Variants in MSL1 observed in about 807,000 individuals in gnomAD.
MSL1 encodes the protein male-specific lethal 1 homolog.
In MSL1, 21 loss-of-function variants were observed where a neutral mutation model predicts 64.6. The observed-to-expected ratio is 0.33, with a 90% CI of 0.23 to 0.47. The LOEUF is 0.47. Ranked by LOEUF, MSL1 falls within the 20% of genes least tolerant of loss-of-function variation. The pLI is 1.00. For synonymous variants in MSL1, 339 were observed against 329.6 expected (o/e 1.03, Z -0.31); for missense variants, 664 against 793.2 (o/e 0.84, Z 1.96).
intron 1 of MSL1, among the ~76,000 whole-genome samples, chr17:40,125,434 T>C (rs1298837659): frequency 2.6e-5 from 4 of 152,214 alleles, no homozygotes; most frequent in African/African-American, 9.7e-5. Flanking sequence ...TCCTTCTCAA[T>C]GTACTGTTTG....
At chr17:40,126,957 G>C (rs1988331582) in intron 2 of MSL1, 1 of 153,228 alleles carries the variant, frequency 6.5e-6, no homozygotes. Context: ...AAGTATGACA[G>C]CTGAGTTTCT....
rs1988507121 is a variant in MSL1 at position 40,134,681 on chromosome 17, GT to G, written c.*313del. The G allele has an allele frequency of 3.2e-6, 1 of 310,274 alleles. No individual in the cohort carries two copies. Among genetic ancestry groups the G allele is most frequent in the African/African-American group, 2.2e-5 (1 of 46,210 alleles). 19.2% of individuals were successfully genotyped at this position (310,274 alleles called of 1,614,324 possible). On this transcript the variant is annotated 3_prime_UTR_variant, in exon 9 of 9. Coordinates refer to ENST00000398532, the MANE Select transcript of MSL1 (RefSeq NM_001365919.1). Reference sequence around the variant, plus strand: ...CTATACATTTGCCTATGTTAAAGGGGTAAAAGGGCTCTCTTCATTAGACATG... The same window carrying G: ...CTATACATTTGCCTATGTTAAAGGGGAAAAGGGCTCTCTTCATTAGACATG...
intron 6 of MSL1, 196 bp downstream of exon 6, chr17:40,133,305 T>G (rs1259306179): frequency 5.4e-6 from 4 of 744,500 alleles, no homozygotes; most frequent in Non-Finnish European, 6.5e-6. Context: ...TGGCCTCTTT[T>G]TGTGTATGAC....
chr17:40,123,056 G>A lies in MSL1; in HGVS notation c.444G>A (p.Glu148=). Residue 148 remains glutamate, a synonymous_variant, in exon 1 of 9, where the codon GAG becomes GAA. Coordinates refer to ENST00000398532, the MANE Select transcript of MSL1 (RefSeq NM_001365919.1). The part of the protein sequence containing the change: ...QTGSLVAAAK[E]PTPWAGDKGG... ...GCTCTCTCGTGGCGGCGGCCAAAGA[G>A]CCTACGCCCTGGGCTGGGGACAAGG... 6.5e-7 allele frequency: 1 copy of A among 1,532,348 alleles called. No individual in the cohort carries two copies. Among genetic ancestry groups the A allele is most frequent in the Non-Finnish European group, 8.7e-7 (1 of 1,145,496 alleles). The allele number at this position is 1,532,348 out of a possible 1,614,324, so 94.9% of individuals were successfully genotyped here.
chr17:40,122,987 C>T lies in MSL1; in HGVS notation c.375C>T (p.Cys125=). Reference sequence around the variant, plus strand: ...AGCCTGCCGCAGCCGGAGCCGGCTGCAGCCCCCGGCCCAAGTATCAGGCGG... The same window carrying T: ...AGCCTGCCGCAGCCGGAGCCGGCTGTAGCCCCCGGCCCAAGTATCAGGCGG... ...GGEPAAAGAG[C]SPRPKYQAVL... is the part of the protein sequence containing the mutation. The change falls in exon 1 of 9, where the codon TGC becomes TGT. Residue 125 remains cysteine (C), a synonymous_variant. Transcript: ENST00000398532. The surrounding 1 kb of genome is among the most constrained non-coding windows in gnomAD (Gnocchi z 4.2). 6.5e-7 allele frequency: 1 copy of T among 1,528,362 alleles called. No individual in the cohort carries two copies. The highest frequency in any genetic ancestry group is 1.2e-5 in the South Asian group (1 of 83,736). 94.7% of individuals were successfully genotyped at this position (1,528,362 alleles called of 1,614,324 possible). A position where few individuals can be genotyped will look rare whatever the true frequency, so the allele number is the denominator to read the frequency against.
Position 40,129,469 on chromosome 17 carries a change from G to A in MSL1, c.1217G>A (p.Gly406Glu). The change falls in exon 3 of 9, where the codon GGA becomes GAA. Residue 406 changes from glycine (G) to glutamate (E), a missense_variant. Transcript: ENST00000398532. Reference sequence around the variant, plus strand: ...CCAAGACTCTCCACTCCCCAAAAGGGACCCAGCACCCATCCCAAGGAGAAA... The same window carrying A: ...CCAAGACTCTCCACTCCCCAAAAGGAACCCAGCACCCATCCCAAGGAGAAA... ...TPPRLSTPQK[G>E]PSTHPKEKAF... The A allele has an allele frequency of 6.2e-7, 1 of 1,613,680 alleles. No individual in the cohort carries two copies. Among genetic ancestry groups the A allele is most frequent in the East Asian group, 2.2e-5 (1 of 44,864 alleles).
rs1359083689 is a variant in MSL1, at chr17:40,131,472, C to T, written c.1376-65C>T. On this transcript the variant is annotated intron_variant, in intron 3 of 8. Coordinates refer to ENST00000398532, the MANE Select transcript of MSL1 (RefSeq NM_001365919.1). This position sits in a 1 kb window ranked among gnomAD's most constrained non-coding sequence, Gnocchi z 4.5. Reference sequence around the variant, plus strand: ...AGAACTTCAGTGATGATCCTTTCCTCCATTTGGGGTATGGGCTTTTTTTCT... The same window carrying T: ...AGAACTTCAGTGATGATCCTTTCCTTCATTTGGGGTATGGGCTTTTTTTCT... 11 of 1,440,798 alleles carry T rather than the reference C, an allele frequency of 7.6e-6. No homozygotes were observed. The highest frequency in any genetic ancestry group is 1.1e-5 in the Non-Finnish European group (11 of 1,025,002). The allele number at this position is 1,440,798 out of a possible 1,614,324, so 89.3% of individuals were successfully genotyped here.
At position 40,131,935 on chromosome 17, in the gene MSL1, T is replaced by C; in HGVS notation, c.1424-99T>C. On this transcript the variant is annotated intron_variant, in intron 4 of 8. Transcript: ENST00000398532. The surrounding 1 kb of genome is among the most constrained non-coding windows in gnomAD (Gnocchi z 4.5). ...TATCACTTGGTAACTTTGTCTCTTCTGGGGAGAGACCTCTTATCCTAGTGA... is the reference window on the plus strand; with the variant it reads ...TATCACTTGGTAACTTTGTCTCTTCCGGGGAGAGACCTCTTATCCTAGTGA... 4 of 853,758 alleles carry C rather than the reference T, an allele frequency of 4.7e-6. No individual in the cohort carries two copies. The highest frequency in any genetic ancestry group is 7.5e-6 in the Non-Finnish European group (4 of 533,530). 52.9% of individuals were successfully genotyped at this position (853,758 alleles called of 1,614,324 possible).
In MSL1 at chr17:40,134,633, T is replaced by G. The variant is rs141810003; in HGVS notation, c.*264T>G. ...AAGCTAAAGCTATAGGATGGCAGAT[T>G]CAGAAGTTTCAGGGGTCTGTTTCTA... On this transcript the variant is annotated 3_prime_UTR_variant, in exon 9 of 9. Coordinates refer to ENST00000398532, the MANE Select transcript of MSL1 (RefSeq NM_001365919.1). 1.8e-3 allele frequency: 800 copies of G among 447,208 alleles called. 3 individuals carry two copies. Among genetic ancestry groups the G allele is most frequent in the African/African-American group, 0.011 (548 of 50,442 alleles). The allele number at this position is 447,208 out of a possible 1,614,324, so 27.7% of individuals were successfully genotyped here. A position where few individuals can be genotyped will look rare whatever the true frequency, so the allele number is the denominator to read the frequency against.
intron 3 of MSL1, chr17:40,130,138 C>A (rs1159657468): frequency 1.3e-5 from 2 of 152,450 alleles, no homozygotes; most frequent in Non-Finnish European, 2.9e-5. Flanking sequence ...ATCTGTATAT[C>A]TATGTCCCTG....
chr17:40,126,254 C>A lies in MSL1; in HGVS notation c.840C>A (p.His280Gln). The change falls in exon 2 of 9, where the codon CAC becomes CAA. Residue 280 changes from histidine (H) to glutamine (Q), a missense_variant. His to Gln is a conservative substitution (Grantham distance 24). Coordinates refer to ENST00000398532, the MANE Select transcript of MSL1 (RefSeq NM_001365919.1). ...AGAAGGATAACGAGAAAGAAAGGCA[C>A]AAGCTGTTTCAGGGCTATGAAACTG... ...LVKKDNEKERHKLFQGYETEE... is the reference protein window; with the variant it reads ...LVKKDNEKERQKLFQGYETEE... The A allele has an allele frequency of 6.2e-7, 1 of 1,613,978 alleles. No individual in the cohort carries two copies. The highest frequency in any genetic ancestry group is 8.5e-7 in the Non-Finnish European group (1 of 1,179,890).
intron 3 of MSL1, chr17:40,129,833 G>C: frequency 5.4e-6 from 3 of 557,214 alleles, no homozygotes; most frequent in Non-Finnish European, 6.1e-6. Context: ...GTATTTGCCT[G>C]CTTACAACAC....
intron 8 of MSL1, 26 bp from the exon 9 acceptor site, chr17:40,134,253 T>A: frequency 6.5e-7 from 1 of 1,547,630 alleles, no homozygotes; most frequent in South Asian, 1.2e-5. Context: ...GTCTTGCAAG[T>A]TGATTTCCTC....
intron 1 of MSL1, chr17:40,124,544 G>A (rs933288407): frequency 3.9e-5 from 6 of 152,232 alleles, no homozygotes; most frequent in Non-Finnish European, 7.3e-5. Context: ...ATTCTGCAAG[G>A]TGGATTGGGA....
rs937765736 is a variant in MSL1, at chr17:40,136,897, A to G, written c.*2528A>G. The G allele has an allele frequency of 6.6e-6, 1 of 152,384 alleles. No individual in the cohort carries two copies. Among genetic ancestry groups the G allele is most frequent in the South Asian group, 2.1e-4 (1 of 4,832 alleles). 9.4% of individuals were successfully genotyped at this position (152,384 alleles called of 1,614,324 possible). A position where few individuals can be genotyped will look rare whatever the true frequency, so the allele number is the denominator to read the frequency against. On this transcript the variant is annotated 3_prime_UTR_variant, in exon 9 of 9. Coordinates refer to ENST00000398532, the MANE Select transcript of MSL1 (RefSeq NM_001365919.1). The stretch of plus-strand genomic sequence containing the variant: ...ATCCATTTTCTCAATAAAAAAGAAT[A>G]ACACATTATTTTCCCCTTTATAATA...
At chr17:40,126,548 C>T (rs1279251401) in intron 2 of MSL1, 142 bp downstream of exon 2, 12 of 744,394 alleles carry the variant, frequency 1.6e-5, no homozygotes, top group Non-Finnish European at 2.6e-5. Context: ...GTGGCTCACA[C>T]CTGTAATCCC....
rs1239420448 is a variant in MSL1, at chr17:40,131,371, CTGT to C, written c.1376-161_1376-159del. The C allele has an allele frequency of 1.1e-5, 6 of 541,210 alleles. No homozygotes were observed. The highest frequency in any genetic ancestry group is 2.0e-5 in the Non-Finnish European group (6 of 300,502). The allele number at this position is 541,210 out of a possible 1,614,324, so 33.5% of individuals were successfully genotyped here. A position where few individuals can be genotyped will look rare whatever the true frequency, so the allele number is the denominator to read the frequency against. ...GTGGGCTTATTTTCTTTTCTTTTGT[CTGT>C]TGTTCCCTCTTCCCCTCCCCCAGAG... On this transcript the variant is annotated intron_variant, in intron 3 of 8. Transcript: ENST00000398532. This position sits in a 1 kb window ranked among gnomAD's most constrained non-coding sequence, Gnocchi z 4.5.
At chr17:40,134,171 C>CTG in intron 8 of MSL1, 108 bp from the exon 9 acceptor site, 2 of 901,470 alleles carry the variant, frequency 2.2e-6, no homozygotes. Flanking sequence ...CCAAACTAGT[C>CTG]AGGGATAGGA....
At chr17:40,129,132 CT>C (rs1401987917) in intron 2 of MSL1, 112 bp from the exon 3 acceptor site, 46 of 900,158 alleles carry the variant, frequency 5.1e-5, no homozygotes, top group Non-Finnish European at 7.4e-5. Flanking sequence ...TACCTGAATA[CT>C]TGTCATTTTG....
Sources: allele counts gnomAD v4.1 joint callset (sites outside exome capture counted in the v4.1 genomes callset), GRCh38; gene constraint gnomAD v4.1.1; non-coding constraint Gnocchi (gnomAD v3.1); transcripts MANE v1.5; gene names NCBI Gene and HGNC (gene_info 2026-07-23, HGNC 2026-07-21).